The following E2F3 variants were observed in gnomAD, a reference collection of about 807,000 sequenced individuals.
E2F3 encodes the protein E2F transcription factor 3.
E2F3 carries 11 observed loss-of-function variants against 44.4 expected under a neutral mutation model. The observed-to-expected ratio is 0.25, with a 90% CI of 0.16 to 0.41. The LOEUF is 0.41. E2F3 is among the 10% of genes least tolerant of loss of function. E2F3 has a pLI of 1.00. For missense variants in E2F3, 487 were observed against 583.6 expected (o/e 0.83, Z 1.70); for synonymous variants, 249 against 253.0 (o/e 0.98, Z 0.15).
chr6:20,488,098 C>G lies in E2F3; in HGVS notation c.1000-15C>G. 1 of 1,613,176 alleles carries G rather than the reference C, an allele frequency of 6.2e-7. No individual in the cohort carries two copies. Among genetic ancestry groups the G allele is most frequent in the African/African-American group, 1.3e-5 (1 of 74,994 alleles). On this transcript the variant is annotated splice_polypyrimidine_tract_variant and intron_variant, in intron 5 of 6. Transcript: ENST00000346618. Reference sequence around the variant, plus strand: ...AAGAACTTCTGATTCGAACTTCTCCCACTTCTGTTCATAGAGCCTACAAAT... The same window carrying G: ...AAGAACTTCTGATTCGAACTTCTCCGACTTCTGTTCATAGAGCCTACAAAT...
Position 20,492,434 on chromosome 6 carries a change from A to G in E2F3, c.*2004A>G, listed in dbSNP as rs866694422. The G allele has an allele frequency of 4.3e-6, 1 of 233,508 alleles. No homozygotes were observed. The allele number at this position is 233,508 out of a possible 1,614,324, so 14.5% of individuals were successfully genotyped here. ...GATGAAGCATTGGGGTGGGGGAGGGAGAGGGAGCTTTGTGTTAAGTGCCTA... is the reference window on the plus strand; with the variant it reads ...GATGAAGCATTGGGGTGGGGGAGGGGGAGGGAGCTTTGTGTTAAGTGCCTA... On this transcript the variant is annotated 3_prime_UTR_variant, in exon 7 of 7. Coordinates refer to ENST00000346618, the MANE Select transcript of E2F3 (RefSeq NM_001949.5).
At chr6:20,482,441 G>A (rs1439081944) in intron 3 of E2F3, among the ~76,000 whole-genome samples, 2 of 149,072 alleles carry the variant, frequency 1.3e-5, no homozygotes, top group Non-Finnish European at 3.0e-5. Context: ...TGGGAGCCAT[G>A]AGGCAAGGGA....
At chr6:20,407,125 T>C (rs1759518675) in intron 1 of E2F3, among the ~76,000 whole-genome samples, 1 of 152,172 alleles carries the variant, frequency 6.6e-6, no homozygotes, top group Non-Finnish European at 1.5e-5. Flanking sequence ...TGTACAATTA[T>C]AAAAAGAAAA....
chr6:20,403,889 TGGG>T, intron 1 of E2F3: 1 of 1,148,694 alleles, frequency 8.7e-7, no homozygotes, highest in African/African-American at 1.6e-5. Context: ...CGGATTCTGT[TGGG>T]GGCTGAAGCG....
At chr6:20,480,833 T>G (rs1432689500) in intron 2 of E2F3, among the ~76,000 whole-genome samples, 1 of 152,182 alleles carries the variant, frequency 6.6e-6, no homozygotes, top group South Asian at 2.1e-4. Flanking sequence ...TCCATCACCG[T>G]AGGCCTCGTG....
chr6:20,486,564 G>A (rs1479299316), intron 4 of E2F3, 125 bp from the exon 5 acceptor site: 16 of 561,490 alleles, frequency 2.8e-5, no homozygotes, highest in South Asian at 1.5e-4. Flanking sequence ...GAGCCACCGC[G>A]CCCGGCCACA....
chr6:20,424,383 ATGTGTGTG>A (rs57510288), intron 1 of E2F3, among the ~76,000 whole-genome samples: 49 of 146,966 alleles, frequency 3.3e-4, no homozygotes, highest in Admixed American at 6.7e-4. Flanking sequence ...GAGTGTGTGT[ATGTGTGTG>A]TGTGTGTGTG....
intron 1 of E2F3, among the ~76,000 whole-genome samples, chr6:20,411,023 C>T (rs536840768): frequency 1.4e-4 from 21 of 152,304 alleles, no homozygotes; most frequent in African/African-American, 4.3e-4. Context: ...GAATGGCTCT[C>T]GCCTAATGCA....
At chr6:20,472,569 A>C (rs938167058) in intron 1 of E2F3, among the ~76,000 whole-genome samples, 23 of 152,132 alleles carry the variant, frequency 1.5e-4, no homozygotes, top group African/African-American at 5.3e-4. Flanking sequence ...CAGGAGGCTG[A>C]GGTGGGAGGC....
intron 1 of E2F3, among the ~76,000 whole-genome samples, chr6:20,471,661 C>G (rs781527156): frequency 6.6e-6 from 1 of 152,172 alleles, no homozygotes; most frequent in Non-Finnish European, 1.5e-5. Flanking sequence ...TTTTAATAGA[C>G]AAACCCTAGA....
chr6:20,445,455 G>T (rs536749411), intron 1 of E2F3, among the ~76,000 whole-genome samples: 1 of 152,196 alleles, frequency 6.6e-6, no homozygotes, highest in South Asian at 2.1e-4. Context: ...GGCCAGGCTG[G>T]TCTCGAATTC....
intron 1 of E2F3, among the ~76,000 whole-genome samples, chr6:20,465,465 A>T (rs541321406): frequency 6.6e-6 from 1 of 151,736 alleles, no homozygotes; most frequent in Non-Finnish European, 1.5e-5. Flanking sequence ...ATTCATCCCA[A>T]TTTTTTTTAT....
chr6:20,472,025 AACACAC>A (rs57925127), intron 1 of E2F3, among the ~76,000 whole-genome samples: 3,635 of 138,412 alleles, frequency 0.026, 55 homozygotes, highest in South Asian at 0.054. Context: ...CCCCCCCTCC[AACACAC>A]ACACACACAC....
intron 1 of E2F3, among the ~76,000 whole-genome samples, chr6:20,414,510 C>T (rs960939362): frequency 1.3e-5 from 2 of 151,968 alleles, no homozygotes; most frequent in Non-Finnish European, 2.9e-5. Flanking sequence ...TTCTTAAGCT[C>T]TAGCATTCTA....
In E2F3 at chr6:20,415,822, T is replaced by C. The variant is rs931712737; in HGVS notation, c.393+13197T>C. 5.2e-4 allele frequency among the ~76,000 whole-genome samples: 79 copies of C among 152,162 alleles called. 1 individual carries two copies. Among genetic ancestry groups the C allele is most frequent in the Non-Finnish European group, 2.1e-4 (14 of 68,020 alleles). On this transcript the variant is annotated intron_variant, in intron 1 of 6. Transcript: ENST00000346618. ...CTGTCTTTTTTATGATGAGGCATGA[T>C]ATTAATTGGCTGCTGGAAGCCTCTC...
intron 1 of E2F3, among the ~76,000 whole-genome samples, chr6:20,430,892 G>T: frequency 6.6e-6 from 1 of 152,126 alleles, no homozygotes; most frequent in East Asian, 1.9e-4. Flanking sequence ...GGGCATGGTG[G>T]CGCACACCTG....
At chr6:20,434,947 G>A (rs1241947638) in intron 1 of E2F3, among the ~76,000 whole-genome samples, 1 of 152,218 alleles carries the variant, frequency 6.6e-6, no homozygotes, top group Non-Finnish European at 1.5e-5. Flanking sequence ...CCTCAGCAGT[G>A]GAGACAAGGG....
At chr6:20,424,289 A>G (rs1414200329) in intron 1 of E2F3, among the ~76,000 whole-genome samples, 1 of 136,152 alleles carries the variant, frequency 7.3e-6, no homozygotes, top group East Asian at 2.2e-4. Context: ...ACGAATAGCC[A>G]GTTAAACTAG....
Position 20,402,467 on chromosome 6 carries a change from G to C in E2F3, c.235G>C (p.Val79Leu), listed in dbSNP as rs769948520. The C allele has an allele frequency of 3.1e-6, 5 of 1,608,966 alleles. No homozygotes were observed. In the South Asian group the frequency reaches 3.3e-5, roughly 11 times the overall value. The change falls in exon 1 of 7, where the codon GTA (valine) becomes CTA (leucine). Residue 79 changes from valine (V) to leucine (L), a missense_variant. Coordinates refer to ENST00000346618, the MANE Select transcript of E2F3 (RefSeq NM_001949.5). This position sits in a 1 kb window ranked among gnomAD's most constrained non-coding sequence, Gnocchi z 5.6. Reference sequence around the variant, plus strand: ...TTCCTCCTCCCTCCAAAGCGGCGCCGTAGCCGCCGGCCCCCTCCTCCCCAG... The same window carrying C: ...TTCCTCCTCCCTCCAAAGCGGCGCCCTAGCCGCCGGCCCCCTCCTCCCCAG... Reference protein sequence around the residue: ...SCSSSLQSGAVAAGPLLPSAP... With the variant: ...SCSSSLQSGALAAGPLLPSAP...
Sources: gnomAD v4.1 joint callset for allele counts (sites outside exome capture counted in the v4.1 genomes callset) on GRCh38, gnomAD v4.1.1 for gene constraint, Gnocchi (gnomAD v3.1) non-coding constraint, MANE v1.5 for transcripts, NCBI Gene and HGNC (gene_info 2026-07-23, HGNC 2026-07-21) for gene names.